The following ZFAT variants were observed in gnomAD, a reference collection of about 807,000 sequenced individuals.
The protein encoded by ZFAT is zinc finger protein ZFAT.
In ZFAT, 64 loss-of-function variants were observed where a neutral mutation model predicts 117.7. The ratio of observed to expected loss-of-function variants is 0.54; its 90% CI spans 0.44 to 0.67. The LOEUF is 0.67. Among genes scored for constraint, ZFAT ranks in the 30% least tolerant of loss-of-function variants. The probability of loss-of-function intolerance (pLI) is 0.00; values close to 1 mark genes in which losing one functional copy is unlikely to be tolerated. For missense variants in ZFAT, 1,433 were observed against 1,584.5 expected (o/e 0.90, Z 1.62); for synonymous variants, 679 against 615.0 (o/e 1.10, Z -1.54).
rs1817026149 is a variant in ZFAT at position 134,478,362 on chromosome 8, G to A, written c.*120C>T. The A allele has an allele frequency of 7.0e-7, 1 of 1,421,586 alleles. No homozygotes were observed. The highest frequency in any genetic ancestry group is 9.3e-7 in the Non-Finnish European group (1 of 1,072,438). The allele number at this position is 1,421,586 out of a possible 1,614,324, so 88.1% of individuals were successfully genotyped here. ...CTAGGAGAGTCCTATCAGGCTGCTG[G>A]GCAGGGAGGGCAAAGGAGAGCACCA... On this transcript the variant is annotated 3_prime_UTR_variant, in exon 16 of 16. Coordinates refer to ENST00000377838, the MANE Select transcript of ZFAT (RefSeq NM_020863.4). The surrounding 1 kb of genome is among the most constrained non-coding windows in gnomAD (Gnocchi z 5.2).
intron 11 of ZFAT, among the ~76,000 whole-genome samples, chr8:134,543,130 G>C (rs536789477): frequency 3.3e-5 from 5 of 151,742 alleles, no homozygotes; most frequent in African/African-American, 1.2e-4. Context: ...CTGCACAGAA[G>C]AGATAGGGTA....
chr8:134,667,967 G>A (rs563568915), intron 1 of ZFAT, among the ~76,000 whole-genome samples: 17 of 152,230 alleles, frequency 1.1e-4, no homozygotes, highest in East Asian at 5.8e-4. Flanking sequence ...TATATCCCGC[G>A]CATGGCTCCG....
chr8:134,539,151 A>T (rs548306911), intron 11 of ZFAT, among the ~76,000 whole-genome samples: 2 of 152,194 alleles, frequency 1.3e-5, no homozygotes, highest in Admixed American at 6.5e-5. Context: ...CTCTAACTAC[A>T]TTAAAGTGAT....
At chr8:134,487,284 C>G (rs1021266899) in intron 15 of ZFAT, among the ~76,000 whole-genome samples, 1 of 152,128 alleles carries the variant, frequency 6.6e-6, no homozygotes, top group African/African-American at 2.4e-5. Flanking sequence ...CACTACTTGC[C>G]CCCTGGTTTA....
At chr8:134,606,703 G>A (rs911255101) in intron 5 of ZFAT, among the ~76,000 whole-genome samples, 1 of 150,034 alleles carries the variant, frequency 6.7e-6, no homozygotes, top group African/African-American at 2.5e-5. Context: ...ACTCCAGCCT[G>A]GGTAACAGAG....
intron 3 of ZFAT, among the ~76,000 whole-genome samples, chr8:134,623,257 C>T (rs1268122657): frequency 1.3e-5 from 2 of 152,240 alleles, no homozygotes; most frequent in African/African-American, 4.8e-5. Context: ...TCATCCTCAA[C>T]CCATCCGCTT....
At chr8:134,766,283 G>A in the ZFAT span, 2 of 152,168 alleles carry the variant, frequency 1.3e-5, no homozygotes, top group Admixed American at 1.3e-4. Context: ...CCTCCTGGAC[G>A]ACTAAATGGT....
intron 3 of ZFAT, among the ~76,000 whole-genome samples, chr8:134,632,967 A>C (rs1345225652): frequency 1.3e-5 from 2 of 152,256 alleles, no homozygotes; most frequent in African/African-American, 4.8e-5. Flanking sequence ...AGAGGCTGAC[A>C]CAACCCAGGA....
the ZFAT span, among the ~76,000 whole-genome samples, chr8:134,780,574 C>A: frequency 2.0e-5 from 3 of 152,208 alleles, no homozygotes; most frequent in Non-Finnish European, 2.9e-5. Context: ...TGTTTAGAAG[C>A]CAGAAATCGG....
chr8:134,631,807 G>A (rs1329699278), intron 3 of ZFAT, among the ~76,000 whole-genome samples: 1 of 152,210 alleles, frequency 6.6e-6, no homozygotes, highest in Non-Finnish European at 1.5e-5. Flanking sequence ...CTAGAGTTGT[G>A]TAGGGTGTAG....
At chr8:134,519,977 A>G (rs941366557) in intron 13 of ZFAT, among the ~76,000 whole-genome samples, 27 of 152,294 alleles carry the variant, frequency 1.8e-4, no homozygotes, top group African/African-American at 6.3e-4. Flanking sequence ...CCAAGAGACC[A>G]CTTGTGCCTT....
chr8:134,825,774 A>T, the ZFAT span, among the ~76,000 whole-genome samples: 3 of 152,198 alleles, frequency 2.0e-5, no homozygotes, highest in Non-Finnish European at 2.9e-5. Context: ...TAATCCCAGC[A>T]CTTTGGGAGG....
At chr8:134,771,918 G>A in the ZFAT span, among the ~76,000 whole-genome samples, 1 of 152,194 alleles carries the variant, frequency 6.6e-6, no homozygotes, top group African/African-American at 2.4e-5. Flanking sequence ...ATGGAGGCAG[G>A]CAAAGAGAGA....
chr8:134,631,090 T>A (rs1290282260), intron 3 of ZFAT, among the ~76,000 whole-genome samples: 1 of 152,238 alleles, frequency 6.6e-6, no homozygotes, highest in Admixed American at 6.5e-5. Flanking sequence ...CCAGAGCGTC[T>A]ATCTTTCCAT....
chr8:134,813,978 T>C, the ZFAT span, among the ~76,000 whole-genome samples: 11 of 152,156 alleles, frequency 7.2e-5, no homozygotes, highest in African/African-American at 2.4e-4. Context: ...AAAAAGTTAA[T>C]ATCTTTCCTT....
intron 13 of ZFAT, among the ~76,000 whole-genome samples, chr8:134,514,658 G>A (rs909628109): frequency 6.6e-6 from 1 of 152,080 alleles, no homozygotes; most frequent in Admixed American, 6.5e-5. Flanking sequence ...AGGTGACAGA[G>A]GATTCAAAGT....
chr8:134,806,816 A>G, the ZFAT span, among the ~76,000 whole-genome samples: 3 of 152,212 alleles, frequency 2.0e-5, no homozygotes, highest in Non-Finnish European at 2.9e-5. Flanking sequence ...AGTATATGTG[A>G]TAAGAAACCC....
At chr8:134,483,402 C>T (rs1817452845) in intron 15 of ZFAT, among the ~76,000 whole-genome samples, 1 of 152,136 alleles carries the variant, frequency 6.6e-6, no homozygotes, top group African/African-American at 2.4e-5. Flanking sequence ...AGTGTGACAG[C>T]CACTATCAGG....
intron 7 of ZFAT, among the ~76,000 whole-genome samples, chr8:134,593,091 C>T (rs1004311352): frequency 1.2e-4 from 19 of 152,092 alleles, no homozygotes; most frequent in African/African-American, 4.6e-4. Context: ...CGAGATGCCC[C>T]GGGTCAGGCG....
Sources: allele counts gnomAD v4.1 joint callset (sites outside exome capture counted in the v4.1 genomes callset), GRCh38; gene constraint gnomAD v4.1.1; non-coding constraint Gnocchi (gnomAD v3.1); transcripts MANE v1.5; gene names NCBI Gene and HGNC (gene_info 2026-07-23, HGNC 2026-07-21).